The following GALNT17 variants were observed in gnomAD, a reference collection of about 807,000 sequenced individuals.
GALNT17 encodes polypeptide N-acetylgalactosaminyltransferase 17.
GALNT17 carries 29 observed loss-of-function variants against 63.7 expected under a neutral mutation model. The ratio of observed to expected loss-of-function variants is 0.46; its 90% CI spans 0.34 to 0.62. The LOEUF is 0.62. Ranked by LOEUF, GALNT17 falls within the 20% of genes least tolerant of loss-of-function variation. GALNT17 has a pLI of 0.01. For synonymous variants in GALNT17, 305 were observed against 318.3 expected, an observed-to-expected ratio of 0.96 and a Z score of 0.45; for missense variants, 603 against 799.6, an observed-to-expected ratio of 0.75 and a Z score of 2.97.
intron 5 of GALNT17, among the ~76,000 whole-genome samples, chr7:71,452,337 G>A (rs1787277392): frequency 6.6e-6 from 1 of 152,098 alleles, no homozygotes; most frequent in Admixed American, 6.6e-5. Context: ...CTTGAGGTCA[G>A]GAGTCCGAGA....
intron 3 of GALNT17, among the ~76,000 whole-genome samples, chr7:71,408,797 C>T (rs944221210): frequency 8.6e-5 from 13 of 151,972 alleles, no homozygotes; most frequent in African/African-American, 2.9e-4. Context: ...CGCTTGAGCT[C>T]AGGAGGTCGA....
intron 2 of GALNT17, among the ~76,000 whole-genome samples, chr7:71,374,283 T>C (rs565966071): frequency 6.6e-6 from 1 of 152,342 alleles, no homozygotes; most frequent in Admixed American, 6.5e-5. Context: ...GCCTCAATTT[T>C]CTCATCTGCA....
At chr7:71,275,009 G>A (rs1790658170) in intron 1 of GALNT17, among the ~76,000 whole-genome samples, 1 of 152,232 alleles carries the variant, frequency 6.6e-6, no homozygotes. Context: ...CATAGTGGGG[G>A]CTGAGGCAGG....
chr7:71,564,087 A>T (rs1789298467), intron 5 of GALNT17, among the ~76,000 whole-genome samples: 1 of 151,948 alleles, frequency 6.6e-6, no homozygotes. Context: ...GCCACGTGGC[A>T]GGGGTCTTGC....
At chr7:71,264,801 A>G (rs11764495) in intron 1 of GALNT17, among the ~76,000 whole-genome samples, 72,974 of 151,452 alleles carry the variant, frequency 0.48, 18,281 homozygotes, top group Non-Finnish European at 0.54. Context: ...CCAGAGAGTG[A>G]AGCGATAGAT....
chr7:71,401,726 G>A (rs977115173), intron 3 of GALNT17, among the ~76,000 whole-genome samples: 14 of 152,068 alleles, frequency 9.2e-5, no homozygotes, highest in Admixed American at 5.9e-4. Context: ...AGAATCTAAC[G>A]CCTATGATCT....
chr7:71,369,004 A>G (rs1219098543), intron 2 of GALNT17, among the ~76,000 whole-genome samples: 1 of 152,142 alleles, frequency 6.6e-6, no homozygotes. Flanking sequence ...ATCCTCAGCA[A>G]GAGATGAGTT....
intron 9 of GALNT17, among the ~76,000 whole-genome samples, chr7:71,679,769 G>C (rs139001675): frequency 6.6e-6 from 1 of 151,978 alleles, no homozygotes; most frequent in Admixed American, 6.5e-5. Context: ...CAGCAGAATC[G>C]TCCCCAAGGC....
chr7:71,321,926 T>TTCCTTTCTTCCTTCCTTCCTTCCTTC (rs1563001256), intron 1 of GALNT17, among the ~76,000 whole-genome samples: 2 of 39,690 alleles, frequency 5.0e-5, no homozygotes, highest in African/African-American at 2.2e-4. Context: ...TTCCTTCCCC[T>TTCCTTTCTTCCTTCCTTCCTTCCTTC]CCCTCCCTCC....
chr7:71,217,125 A>T (rs1789496205), intron 1 of GALNT17, among the ~76,000 whole-genome samples: 1 of 146,338 alleles, frequency 6.8e-6, no homozygotes, highest in Non-Finnish European at 1.5e-5. Context: ...CACCATGCAC[A>T]GCTAATTTTT....
chr7:71,337,545 A>G (rs1298923721), intron 2 of GALNT17, among the ~76,000 whole-genome samples: 5 of 152,118 alleles, frequency 3.3e-5, no homozygotes, highest in African/African-American at 9.7e-5. Flanking sequence ...TTCAACTTAC[A>G]CTTTTTTGCA....
intron 5 of GALNT17, among the ~76,000 whole-genome samples, chr7:71,519,110 C>T (rs1788486642): frequency 6.6e-6 from 1 of 152,116 alleles, no homozygotes; most frequent in South Asian, 2.1e-4. Context: ...AGGTACAAGT[C>T]CAGCTGGCTC....
At chr7:71,206,397 TG>T (rs1201441447) in intron 1 of GALNT17, among the ~76,000 whole-genome samples, 1 of 152,136 alleles carries the variant, frequency 6.6e-6, no homozygotes, top group Non-Finnish European at 1.5e-5. Context: ...TGATCTCCCC[TG>T]ACTTGGCCAG....
chr7:71,500,416 C>T lies in GALNT17; in HGVS notation c.963-70869C>T, dbSNP rs528202971. 7.2e-5 allele frequency among the ~76,000 whole-genome samples: 11 copies of T among 152,286 alleles called. No homozygotes were observed. The East Asian group carries it at 1.7e-3, about 24-fold the overall frequency. On this transcript the variant is annotated intron_variant, in intron 5 of 10. Transcript: ENST00000333538. ...ACCCTATTCGTGGTCCTCCTTGATC[C>T]TCCACCTACCACCATCATGAGTGAC...
At position 71,413,183 on chromosome 7, in the gene GALNT17, A is replaced by T. The variant is rs146736775; in HGVS notation, c.590-2706A>T. ...GTTTTTTGGTGTGGTATTTTAGAAT[A>T]GTGAGAGCTCACGTCCAGATCTGCT... On this transcript the variant is annotated intron_variant, in intron 3 of 10. Transcript: ENST00000333538. Among the ~76,000 whole-genome samples, 511 of 152,308 alleles carry T rather than the reference A, an allele frequency of 3.4e-3. 7 individuals carry two copies. Among genetic ancestry groups the T allele is most frequent in the African/African-American group, 0.012 (495 of 41,572 alleles).
chr7:71,493,454 T>C (rs1381636743), intron 5 of GALNT17, among the ~76,000 whole-genome samples: 1 of 152,114 alleles, frequency 6.6e-6, no homozygotes, highest in African/African-American at 2.4e-5. Context: ...AGAAGTTTAA[T>C]GGACTCACAG....
chr7:71,402,622 C>T (rs573713915), intron 3 of GALNT17, among the ~76,000 whole-genome samples: 39 of 151,602 alleles, frequency 2.6e-4, no homozygotes, highest in African/African-American at 8.8e-4. Flanking sequence ...CTTCCCTGTA[C>T]GACAAGCATA....
chr7:71,281,241 T>C (rs1790772868), intron 1 of GALNT17, among the ~76,000 whole-genome samples: 1 of 152,220 alleles, frequency 6.6e-6, no homozygotes, highest in South Asian at 2.1e-4. Context: ...AAGACTGTGA[T>C]CCTGATGGAA....
intron 2 of GALNT17, among the ~76,000 whole-genome samples, chr7:71,337,244 T>C (rs978253338): frequency 1.3e-5 from 2 of 152,212 alleles, no homozygotes; most frequent in African/African-American, 4.8e-5. Flanking sequence ...TTATTGATGA[T>C]CTGTTTCCAT....
Sources: gnomAD v4.1 joint callset for allele counts (sites outside exome capture counted in the v4.1 genomes callset) on GRCh38, gnomAD v4.1.1 for gene constraint, MANE v1.5 for transcripts, NCBI Gene and HGNC (gene_info 2026-07-23, HGNC 2026-07-21) for gene names.